Variants in CAST observed in about 807,000 individuals in gnomAD.
CAST encodes the protein calpastatin, also known as MIR583 host.
Under a neutral mutation model 119.6 loss-of-function variants are expected in CAST, and 76 were observed. The ratio of observed to expected loss-of-function variants is 0.64; its 90% CI spans 0.53 to 0.77. CAST has a LOEUF of 0.77. Among genes scored for constraint, CAST ranks in the 30% least tolerant of loss-of-function variants. The pLI is 0.00. For synonymous variants in CAST, 319 were observed against 331.6 expected, an observed-to-expected ratio of 0.96 and a Z score of 0.41; for missense variants, 953 against 946.5, an observed-to-expected ratio of 1.01 and a Z score of -0.09.
At position 96,619,331 on chromosome 5, in the gene CAST, G is replaced by A. The variant is rs374921556; in HGVS notation, c.61-56208G>A. Among the ~76,000 whole-genome samples, 85 of 152,208 alleles carry A rather than the reference G, an allele frequency of 5.6e-4. No individual in the cohort carries two copies. In the South Asian group the frequency reaches 0.018, roughly 32 times the overall value. ...AATCAGCACTCTGTGTCTAGCTCAGGGATTGTAAACACACCAATCAGCACC... is the reference window on the plus strand; with the variant it reads ...AATCAGCACTCTGTGTCTAGCTCAGAGATTGTAAACACACCAATCAGCACC... On this transcript the variant is annotated intron_variant, in intron 1 of 11. Transcript: ENST00000505143.
the CAST span, among the ~76,000 whole-genome samples, chr5:96,331,458 G>A: frequency 1.3e-5 from 2 of 152,134 alleles, no homozygotes; most frequent in African/African-American, 2.4e-5. Flanking sequence ...CAATCAACTT[G>A]TTGAAAAACA....
the CAST span, among the ~76,000 whole-genome samples, chr5:96,198,530 C>T: frequency 1.3e-5 from 2 of 152,118 alleles, no homozygotes; most frequent in African/African-American, 4.8e-5. Context: ...TCCTTGTGTG[C>T]TGGGCACATT....
At chr5:96,433,411 G>A in the CAST span, 3 of 351,458 alleles carry the variant, frequency 8.5e-6, no homozygotes, top group South Asian at 4.8e-5. Flanking sequence ...GGAAAAGGAA[G>A]GAACTGTTTG....
chr5:96,277,633 C>A, the CAST span, among the ~76,000 whole-genome samples: 1 of 151,886 alleles, frequency 6.6e-6, no homozygotes, highest in Non-Finnish European at 1.5e-5. Flanking sequence ...TGTTAAGAAT[C>A]CAGAAGTAAA....
chr5:96,486,771 A>G, the CAST span, among the ~76,000 whole-genome samples: 2 of 152,304 alleles, frequency 1.3e-5, no homozygotes, highest in South Asian at 4.1e-4. Flanking sequence ...ACAGGCCCTT[A>G]GAGCCTGCTC....
the CAST span, among the ~76,000 whole-genome samples, chr5:96,177,633 A>G: frequency 6.6e-6 from 1 of 152,206 alleles, no homozygotes; most frequent in African/African-American, 2.4e-5. Flanking sequence ...TCACTGTGGC[A>G]TCTAGTCAGC....
the CAST span, among the ~76,000 whole-genome samples, chr5:96,488,627 A>G: frequency 6.6e-6 from 1 of 152,222 alleles, no homozygotes; most frequent in Non-Finnish European, 1.5e-5. Flanking sequence ...TGGAGGCAGC[A>G]GATCCCTTAG....
chr5:96,041,298 A>G, the CAST span, among the ~76,000 whole-genome samples: 1 of 152,144 alleles, frequency 6.6e-6, no homozygotes, highest in African/African-American at 2.4e-5. Context: ...CCTCCTCCCC[A>G]AAACTCATAA....
the CAST span, chr5:96,318,968 A>G: frequency 6.6e-6 from 1 of 152,208 alleles, no homozygotes; most frequent in African/African-American, 2.4e-5. Flanking sequence ...TTGCATTGCT[A>G]TAAAGGAATA....
At chr5:96,754,246 T>A (rs1030248511) in intron 21 of CAST, 85 bp downstream of exon 21, 6 of 870,260 alleles carry the variant, frequency 6.9e-6, no homozygotes, top group Non-Finnish European at 1.2e-5. Context: ...TTGTTTTGTT[T>A]TTTATATTTC....
the CAST span, among the ~76,000 whole-genome samples, chr5:96,048,667 T>C: frequency 2.0e-5 from 3 of 152,126 alleles, no homozygotes; most frequent in Non-Finnish European, 4.4e-5. Flanking sequence ...CTTCCTGATT[T>C]TTTTTTTCTT....
chr5:96,423,628 A>G, the CAST span, among the ~76,000 whole-genome samples: 1 of 152,214 alleles, frequency 6.6e-6, no homozygotes, highest in Admixed American at 6.5e-5. Flanking sequence ...GTAAGGCCAA[A>G]TGAACCCCCA....
At chr5:96,136,157 T>G in the CAST span, among the ~76,000 whole-genome samples, 1 of 152,212 alleles carries the variant, frequency 6.6e-6, no homozygotes, top group African/African-American at 2.4e-5. Context: ...CCCCTATTTA[T>G]GTATTTCTTC....
At chr5:96,617,228 A>G (rs1747477357) in intron 1 of CAST, among the ~76,000 whole-genome samples, 1 of 152,146 alleles carries the variant, frequency 6.6e-6, no homozygotes, top group South Asian at 2.1e-4. Context: ...CTTGCCCTAT[A>G]AAAGAGCACA....
chr5:96,013,757 C>T, the CAST span, among the ~76,000 whole-genome samples: 2 of 151,804 alleles, frequency 1.3e-5, no homozygotes, highest in Non-Finnish European at 2.9e-5. Context: ...TATTTGTATA[C>T]CTAAACATAA....
At chr5:96,471,211 A>T in the CAST span, among the ~76,000 whole-genome samples, 1 of 152,148 alleles carries the variant, frequency 6.6e-6, no homozygotes, top group African/African-American at 2.4e-5. Context: ...TTCAGATATC[A>T]GGTGACAGAG....
the CAST span, among the ~76,000 whole-genome samples, chr5:96,164,772 G>A: frequency 2.0e-5 from 3 of 152,134 alleles, no homozygotes; most frequent in Non-Finnish European, 4.4e-5. Flanking sequence ...GCCCTGGGTT[G>A]GCCAAGAATG....
chr5:96,137,781 T>G, the CAST span, among the ~76,000 whole-genome samples: 1 of 152,176 alleles, frequency 6.6e-6, no homozygotes, highest in African/African-American at 2.4e-5. Context: ...ATTTGCTATC[T>G]GTATATAATC....
chr5:96,522,878 T>A (rs115424455), upstream of CAST, among the ~76,000 whole-genome samples: 1,011 of 152,322 alleles, frequency 6.6e-3, 11 homozygotes, highest in African/African-American at 0.023. Flanking sequence ...GAAGTCATCC[T>A]AAGTAAAGGG....
Sources: gnomAD v4.1 joint callset for allele counts (sites outside exome capture counted in the v4.1 genomes callset) on GRCh38, gnomAD v4.1.1 for gene constraint, MANE v1.5 for transcripts, NCBI Gene and HGNC (gene_info 2026-07-23, HGNC 2026-07-21) for gene names.